The following TBCK variants were observed in gnomAD, a reference collection of about 807,000 sequenced individuals.
TBCK encodes the protein TBC1 domain containing kinase, also known as TBC domain-containing protein kinase-like protein.
Under a neutral mutation model 113.4 loss-of-function variants are expected in TBCK, and 99 were observed. The observed-to-expected ratio is 0.87, with a 90% CI of 0.74 to 1.03. TBCK has a LOEUF of 1.03. TBCK is among the 50% of genes least tolerant of loss of function. TBCK has a pLI of 0.00. For synonymous variants in TBCK, 369 were observed against 370.8 expected (o/e 1.00, Z 0.05); for missense variants, 1,045 against 1,061.3 (o/e 0.98, Z 0.21).
chr4:106,248,025 T>C, intron 9 of TBCK: 1 of 359,924 alleles, frequency 2.8e-6, no homozygotes, highest in Non-Finnish European at 5.0e-6. Context: ...GTAACTTCTT[T>C]AGTGTATGTC....
intron 20 of TBCK, among the ~76,000 whole-genome samples, chr4:106,211,144 G>A (rs1756082834): frequency 6.6e-6 from 1 of 151,890 alleles, no homozygotes; most frequent in Non-Finnish European, 1.5e-5. Flanking sequence ...TTAATTAGGT[G>A]CCTTTACAAA....
intron 3 of TBCK, among the ~76,000 whole-genome samples, chr4:106,268,155 T>A (rs548450787): frequency 6.6e-6 from 1 of 152,150 alleles, no homozygotes; most frequent in South Asian, 2.1e-4. Flanking sequence ...TGGCCCCTTT[T>A]TGACATCATT....
intron 23 of TBCK, among the ~76,000 whole-genome samples, chr4:106,148,503 A>G (rs1272544160): frequency 6.6e-6 from 1 of 152,244 alleles, no homozygotes; most frequent in African/African-American, 2.4e-5. Context: ...ATATTATGTT[A>G]TCATTCATGA....
chr4:106,143,862 C>T (rs867050368), intron 23 of TBCK, among the ~76,000 whole-genome samples: 60 of 149,914 alleles, frequency 4.0e-4, no homozygotes, highest in South Asian at 2.1e-4. Context: ...TGCAGTGAGC[C>T]GAGACTGTGC....
intron 2 of TBCK, among the ~76,000 whole-genome samples, chr4:106,304,951 T>C (rs887683020): frequency 9.2e-5 from 14 of 152,330 alleles, no homozygotes; most frequent in African/African-American, 3.1e-4. Context: ...TACCCTCTTC[T>C]CTATACTTTA....
intron 23 of TBCK, among the ~76,000 whole-genome samples, chr4:106,153,660 G>T (rs1479884241): frequency 6.6e-6 from 1 of 152,116 alleles, no homozygotes; most frequent in East Asian, 1.9e-4. Flanking sequence ...GCTGAAACAA[G>T]AGTGTTGAAG....
At chr4:106,154,196 TTTC>T (rs1748860275) in intron 23 of TBCK, among the ~76,000 whole-genome samples, 1 of 152,176 alleles carries the variant, frequency 6.6e-6, no homozygotes, top group Admixed American at 6.5e-5. Context: ...TATGATTTAA[TTTC>T]TTTTTATTTT....
rs747777238 is a variant in TBCK at position 106,248,960 on chromosome 4, T to C, written c.681A>G (p.Ile227Met). 11 of 1,606,930 alleles carry C rather than the reference T, an allele frequency of 6.8e-6. No individual in the cohort carries two copies. The highest frequency in any genetic ancestry group is 8.5e-6 in the Non-Finnish European group (10 of 1,177,734). The change falls in exon 8 of 26, where the codon ATA (isoleucine) becomes ATG (methionine). Residue 227 changes from isoleucine to methionine, a missense_variant. Transcript: ENST00000394708. ...LTLDCVDDTL[I>M]VLAEEHGCLD... ...AACAACCATGCTCTTCAGCCAGAAC[T>C]ATTAAAGTGTCATCTACACAATCTA...
intron 23 of TBCK, among the ~76,000 whole-genome samples, chr4:106,156,995 A>G (rs1364111261): frequency 1.3e-5 from 2 of 152,120 alleles, no homozygotes; most frequent in Non-Finnish European, 2.9e-5. Context: ...CAAGTCTCAG[A>G]GTGGCATACT....
chr4:106,237,581 G>A (rs1759615248), intron 12 of TBCK: 3 of 453,724 alleles, frequency 6.6e-6, no homozygotes, highest in Non-Finnish European at 1.3e-5. Flanking sequence ...TGTGCAGCAA[G>A]CACTGATCTT....
At position 106,149,095 on chromosome 4, in the gene TBCK, CT is replaced by C. The variant is rs1748176888; in HGVS notation, c.2235+21999del. 3.3e-5 allele frequency among the ~76,000 whole-genome samples: 5 copies of C among 152,280 alleles called. No individual in the cohort carries two copies. The South Asian group carries it at 1.0e-3, about 32-fold the overall frequency. Reference sequence around the variant, plus strand: ...CTTCCAACTTTTCTTCTGTACCTTCCTGATCTCTCATGGCCTTACAGAACCA... The same window carrying C: ...CTTCCAACTTTTCTTCTGTACCTTCCGATCTCTCATGGCCTTACAGAACCA... On this transcript the variant is annotated intron_variant, in intron 23 of 25. Coordinates refer to ENST00000394708, the MANE Select transcript of TBCK (RefSeq NM_001163435.3).
chr4:106,172,317 T>G (rs1309794907), intron 22 of TBCK, among the ~76,000 whole-genome samples: 1 of 152,120 alleles, frequency 6.6e-6, no homozygotes, highest in Non-Finnish European at 1.5e-5. Context: ...CATAGAAAGG[T>G]TACTACAACT....
chr4:106,067,329 C>T (rs1385157624), intron 25 of TBCK, among the ~76,000 whole-genome samples: 1 of 152,058 alleles, frequency 6.6e-6, no homozygotes, highest in African/African-American at 2.4e-5. Flanking sequence ...ATATCGTTGT[C>T]TGTTGTTGAG....
intron 23 of TBCK, among the ~76,000 whole-genome samples, chr4:106,167,944 C>G (rs1373480573): frequency 6.6e-6 from 1 of 151,680 alleles, no homozygotes; most frequent in Non-Finnish European, 1.5e-5. Flanking sequence ...GAAATTATGC[C>G]AACTGTCTAC....
chr4:106,073,949 C>T (rs931308998), intron 25 of TBCK, among the ~76,000 whole-genome samples: 1 of 152,186 alleles, frequency 6.6e-6, no homozygotes, highest in Non-Finnish European at 1.5e-5. Flanking sequence ...TCCTGGAGTG[C>T]CGTTTGCTAA....
At chr4:106,128,168 AG>A (rs1348212012) in intron 23 of TBCK, among the ~76,000 whole-genome samples, 14 of 152,220 alleles carry the variant, frequency 9.2e-5, no homozygotes, top group African/African-American at 3.4e-4. Context: ...AATTGGTCAA[AG>A]GATACAAATA....
chr4:106,258,422 T>C (rs750240544), intron 5 of TBCK, among the ~76,000 whole-genome samples: 4 of 152,090 alleles, frequency 2.6e-5, no homozygotes, highest in African/African-American at 7.2e-5. Context: ...TTTTCTTTCA[T>C]GCCTTAGCTG....
intron 19 of TBCK, among the ~76,000 whole-genome samples, chr4:106,215,698 G>C (rs866003937): frequency 7.2e-5 from 11 of 151,926 alleles, no homozygotes; most frequent in South Asian, 2.1e-4. Context: ...CAATACAGGA[G>C]CACCCAGATT....
chr4:106,281,341 A>G (rs1764573676), intron 3 of TBCK, among the ~76,000 whole-genome samples: 1 of 151,940 alleles, frequency 6.6e-6, no homozygotes, highest in Non-Finnish European at 1.5e-5. Context: ...TTCTCCAAAT[A>G]TAAGATCATA....
Sources: allele counts gnomAD v4.1 joint callset (sites outside exome capture counted in the v4.1 genomes callset), GRCh38; gene constraint gnomAD v4.1.1; transcripts MANE v1.5; gene names NCBI Gene and HGNC (gene_info 2026-07-23, HGNC 2026-07-21).